The following DMXL1 variants were observed in gnomAD, a reference collection of about 807,000 sequenced individuals.
DMXL1 encodes dmX-like protein 1.
DMXL1 carries 99 observed loss-of-function variants against 319.2 expected under a neutral mutation model. The observed-to-expected ratio is 0.31, with a 90% CI of 0.26 to 0.37. The LOEUF (loss-of-function observed/expected upper bound fraction) is 0.37. Ranked by LOEUF, DMXL1 falls within the 10% of genes least tolerant of loss-of-function variation. The pLI is 1.00. For missense variants in DMXL1, 3,745 were observed against 3,595.6 expected, an observed-to-expected ratio of 1.04 and a Z score of -1.06; for synonymous variants, 1,385 against 1,235.2, an observed-to-expected ratio of 1.12 and a Z score of -2.54.
At position 119,147,289 on chromosome 5, in the gene DMXL1, G is replaced by A; in HGVS notation, c.2730G>A (p.Gln910=). 6.2e-7 allele frequency: 1 copy of A among 1,613,466 alleles called. No homozygotes were observed. The highest frequency in any genetic ancestry group is 1.1e-5 in the South Asian group (1 of 91,044). ...VDTKLSEAVW[Q]PEEHYSSSPE... ...CAAAATTATCCGAAGCGGTTTGGCA[G>A]CCAGAAGAACATTATTCTTCTTCTC... Residue 910 remains glutamine (Q), a synonymous_variant, in exon 17 of 44, where the codon CAG becomes CAA. Coordinates refer to ENST00000539542, the MANE Select transcript of DMXL1 (RefSeq NM_001290321.3).
At chr5:119,093,027 T>C (rs1755135270) in intron 1 of DMXL1, among the ~76,000 whole-genome samples, 1 of 151,952 alleles carries the variant, frequency 6.6e-6, no homozygotes, top group Non-Finnish European at 1.5e-5. Context: ...GTTTTCTTGC[T>C]CTTTCCCTTA....
At chr5:119,240,272 A>C in intron 41 of DMXL1, 147 bp from the exon 42 acceptor site, 1 of 520,740 alleles carries the variant, frequency 1.9e-6, no homozygotes, top group East Asian at 3.0e-5. Context: ...GTTTCATATA[A>C]ATTTGTTGGT....
At position 119,144,521 on chromosome 5, in the gene DMXL1, T is replaced by C. The variant is rs762083844; in HGVS notation, c.2467-15T>C. On this transcript the variant is annotated splice_polypyrimidine_tract_variant and intron_variant, in intron 14 of 43. Coordinates refer to ENST00000539542, the MANE Select transcript of DMXL1 (RefSeq NM_001290321.3). The stretch of plus-strand genomic sequence containing the variant: ...ACACATAGGTCAACTTACGTTGATA[T>C]TTATTTATATTCAGCATGGCAGAAA... 6 of 1,558,536 alleles carry C rather than the reference T, an allele frequency of 3.8e-6. No homozygotes were observed. In the African/African-American group the frequency reaches 6.9e-5, roughly 18 times the overall value.
At chr5:119,189,569 C>T in intron 28 of DMXL1, 139 bp from the exon 29 acceptor site, 5 of 732,314 alleles carry the variant, frequency 6.8e-6, no homozygotes, top group South Asian at 6.3e-5. Flanking sequence ...ATTTTCTTAC[C>T]TGCTGTGTAC....
chr5:119,212,924 CATCCTT>C (rs1313954863), intron 34 of DMXL1, among the ~76,000 whole-genome samples: 1 of 152,130 alleles, frequency 6.6e-6, no homozygotes, highest in East Asian at 1.9e-4. Context: ...CACTTGCAAA[CATCCTT>C]ATCCCTGTTC....
chr5:119,116,675 A>G (rs997872392), intron 7 of DMXL1, among the ~76,000 whole-genome samples: 4 of 152,166 alleles, frequency 2.6e-5, no homozygotes, highest in South Asian at 2.1e-4. Context: ...ATATTTTTAC[A>G]TAAATACTCT....
rs945645432 is a variant in DMXL1 at position 119,177,899 on chromosome 5, T to A, written c.6887-97T>A. On this transcript the variant is annotated intron_variant, in intron 27 of 43. Coordinates refer to ENST00000539542, the MANE Select transcript of DMXL1 (RefSeq NM_001290321.3). ...AAGAAAATACAGTATTAACTCCTGA[T>A]GCAATACATTTTTTCCTGAAATTAG... The A allele has an allele frequency of 6.3e-6, 7 of 1,114,904 alleles. No individual in the cohort carries two copies. The African/African-American group carries it at 7.8e-5, about 13-fold the overall frequency. The allele number at this position is 1,114,904 out of a possible 1,614,324, so 69.1% of individuals were successfully genotyped here.
chr5:119,133,568 G>A lies in DMXL1; in HGVS notation c.1644G>A (p.Met548Ile). ...ACTCTCTCTGTAAAAGCATAATGAT[G>A]TATGCCTGTACCAAGAATGTTGACT... ...DANSLCKSIMMYACTKNVDLA... is the reference protein window; with the variant it reads ...DANSLCKSIMIYACTKNVDLA... Residue 548 changes from methionine (M) to isoleucine (I), a missense_variant, in exon 12 of 44, where the codon ATG (methionine) becomes ATA (isoleucine). Met to Ile is a conservative substitution (Grantham distance 10). This residue lies in a region of DMXL1 where 2,096 missense variants were observed against 1,985.4 expected (regional missense o/e 1.06). Coordinates refer to ENST00000539542, the MANE Select transcript of DMXL1 (RefSeq NM_001290321.3). The A allele has an allele frequency of 6.2e-7, 1 of 1,614,152 alleles. No individual in the cohort carries two copies. The highest frequency in any genetic ancestry group is 1.7e-5 in the Admixed American group (1 of 60,020).
In DMXL1 at chr5:119,147,363, C is replaced by T; in HGVS notation, c.2804C>T (p.Ala935Val). The T allele has an allele frequency of 1.2e-6, 2 of 1,613,418 alleles. No homozygotes were observed. Among genetic ancestry groups the T allele is most frequent in the Non-Finnish European group, 1.7e-6 (2 of 1,179,652 alleles). Reference sequence around the variant, plus strand: ...TCACAAAAGTATCAGGCTTGCAGAGCAAATCTCCAGAGTACCAGCAGGTTG... The same window carrying T: ...TCACAAAAGTATCAGGCTTGCAGAGTAAATCTCCAGAGTACCAGCAGGTTG... ...PFSQKYQACR[A>V]NLQSTSRLTL... The change falls in exon 17 of 44, where the codon GCA becomes GTA. Residue 935 changes from alanine (A) to valine (V), a missense_variant. Physicochemically the swap from Ala to Val is moderately conservative, Grantham distance 64. This residue lies in a region of DMXL1 where 2,096 missense variants were observed against 1,985.4 expected (regional missense o/e 1.06). Coordinates refer to ENST00000539542, the MANE Select transcript of DMXL1 (RefSeq NM_001290321.3).
chr5:119,130,474 C>G (rs1764620517), intron 10 of DMXL1, among the ~76,000 whole-genome samples: 1 of 152,054 alleles, frequency 6.6e-6, no homozygotes, highest in Non-Finnish European at 1.5e-5. Flanking sequence ...TCCCGAGTAG[C>G]TAGGATTACA....
At chr5:119,153,743 G>T (rs1224918379) in intron 19 of DMXL1, among the ~76,000 whole-genome samples, 2 of 152,206 alleles carry the variant, frequency 1.3e-5, no homozygotes, top group Non-Finnish European at 2.9e-5. Flanking sequence ...CAAATGACAA[G>T]ATTTCGTTTT....
chr5:119,077,417 G>A (rs1751121452), intron 1 of DMXL1, among the ~76,000 whole-genome samples: 1 of 145,078 alleles, frequency 6.9e-6, no homozygotes, highest in South Asian at 2.3e-4. Flanking sequence ...TTAGACATCT[G>A]TAAAACCAGT....
chr5:119,087,144 C>CT (rs148040487), intron 1 of DMXL1, among the ~76,000 whole-genome samples: 4,878 of 149,954 alleles, frequency 0.033, 242 homozygotes, highest in African/African-American at 0.11. Flanking sequence ...TTTCATTGAT[C>CT]TTTTTTTTTG....
At chr5:119,231,080 A>G (rs1786628783) in intron 38 of DMXL1, among the ~76,000 whole-genome samples, 1 of 152,186 alleles carries the variant, frequency 6.6e-6, no homozygotes, top group Non-Finnish European at 1.5e-5. Flanking sequence ...GCCTCTGCAT[A>G]CCAATCAAAA....
In DMXL1 at chr5:119,149,647, G is replaced by C. The variant is rs1581025072; in HGVS notation, c.3820G>C (p.Gly1274Arg). ...AATAAAACAGAGTAACTCCAGTTCT[G>C]GGTTACATCCTCCAAAGAAAACTCT... The part of the protein sequence containing the change: ...SLIKQSNSSS[G>R]LHPPKKTLTR... The change falls in exon 18 of 44, where the codon GGG (glycine) becomes CGG (arginine). Residue 1274 changes from glycine to arginine, a missense_variant. Gly to Arg is a moderately radical substitution (Grantham distance 125). This residue lies in a region of DMXL1 where 2,096 missense variants were observed against 1,985.4 expected (regional missense o/e 1.06). Transcript: ENST00000539542. 6.2e-7 allele frequency: 1 copy of C among 1,613,904 alleles called. No individual in the cohort carries two copies. Among genetic ancestry groups the C allele is most frequent in the Non-Finnish European group, 8.5e-7 (1 of 1,179,916 alleles).
At position 119,247,369 on chromosome 5, in the gene DMXL1, C is replaced by T. The variant is rs1190659528; in HGVS notation, c.*150C>T. 3 of 584,560 alleles carry T rather than the reference C, an allele frequency of 5.1e-6. No homozygotes were observed. 36.2% of individuals were successfully genotyped at this position (584,560 alleles called of 1,614,324 possible). ...GAGCTTTGCCCTTGATGCACTGATG[C>T]CTTAAAAATTAACAAGGTCATTCAG... On this transcript the variant is annotated 3_prime_UTR_variant, in exon 44 of 44. Transcript: ENST00000539542.
Position 119,224,691 on chromosome 5 carries a change from A to AT in DMXL1, c.8278-13dup, listed in dbSNP as rs780580089. 9.7e-7 allele frequency: 1 copy of AT among 1,032,988 alleles called. No individual in the cohort carries two copies. The highest frequency in any genetic ancestry group is 2.9e-5 in the Admixed American group (1 of 34,678). The allele number at this position is 1,032,988 out of a possible 1,614,324, so 64.0% of individuals were successfully genotyped here. A position where few individuals can be genotyped will look rare whatever the true frequency, so the allele number is the denominator to read the frequency against. Reference sequence around the variant, plus strand: ...TCCTTTTTATTATGCCTATAAAATAATTTTTCTATTTTACCAGATGATTAA... The same window carrying AT: ...TCCTTTTTATTATGCCTATAAAATAATTTTTTCTATTTTACCAGATGATTAA... On this transcript the variant is annotated splice_polypyrimidine_tract_variant and intron_variant, in intron 37 of 43. Coordinates refer to ENST00000539542, the MANE Select transcript of DMXL1 (RefSeq NM_001290321.3).
At chr5:119,192,307 C>G (rs1036699641) in intron 29 of DMXL1, among the ~76,000 whole-genome samples, 9 of 152,158 alleles carry the variant, frequency 5.9e-5, no homozygotes, top group Non-Finnish European at 8.8e-5. Flanking sequence ...TGCATTCTTT[C>G]TTTTCTTCTC....
At position 119,196,430 on chromosome 5, in the gene DMXL1, A is replaced by G. The variant is rs1050454478; in HGVS notation, c.7517A>G (p.Tyr2506Cys). Residue 2506 changes from tyrosine to cysteine, a missense_variant, in exon 31 of 44, where the codon TAT becomes TGT. This residue lies in a region of DMXL1 where 1,382 missense variants were observed against 1,269.5 expected (regional missense o/e 1.09). Transcript: ENST00000539542. ...QLVLNNLKTF[Y>C]PFAGHDLAEL... ...GTGCTCAACAATTTGAAGACTTTTT[A>G]TCCCTTCGCAGGTCATGATCTTGCA... 1.2e-6 allele frequency: 2 copies of G among 1,612,368 alleles called. No homozygotes were observed. The highest frequency in any genetic ancestry group is 1.7e-6 in the Non-Finnish European group (2 of 1,179,530).
Sources: gnomAD v4.1 joint callset for allele counts (sites outside exome capture counted in the v4.1 genomes callset) on GRCh38, gnomAD v4.1.1 for gene constraint, gnomAD v4.1.1 regional missense constraint, MANE v1.5 for transcripts, NCBI Gene and HGNC (gene_info 2026-07-23, HGNC 2026-07-21) for gene names.